Variants in GDPD1 observed in about 807,000 individuals in gnomAD.
The protein encoded by GDPD1 is lysophospholipase D GDPD1.
GDPD1 carries 28 observed loss-of-function variants against 45.1 expected under a neutral mutation model. The ratio of observed to expected loss-of-function variants is 0.62; its 90% CI spans 0.46 to 0.85. The LOEUF is 0.85. GDPD1 is among the 40% of genes least tolerant of loss of function. GDPD1 has a pLI of 0.00. For missense variants in GDPD1, 256 were observed against 364.8 expected (o/e 0.70, Z 2.43); for synonymous variants, 139 against 131.4 (o/e 1.06, Z -0.40).
Position 59,237,435 on chromosome 17 carries a change from C to T in GDPD1, c.185+2901C>T, listed in dbSNP as rs2047141575. 2.0e-5 allele frequency among the ~76,000 whole-genome samples: 3 copies of T among 152,010 alleles called. No individual in the cohort carries two copies. In the South Asian group the frequency reaches 6.2e-4, roughly 32 times the overall value. On this transcript the variant is annotated intron_variant, in intron 2 of 9. Coordinates refer to ENST00000284116, the MANE Select transcript of GDPD1 (RefSeq NM_182569.4). Reference sequence around the variant, plus strand: ...AAATAAATAAAAATAAATAAACATACTGTTTTAAAGGTACTGTATATTAAA... The same window carrying T: ...AAATAAATAAAAATAAATAAACATATTGTTTTAAAGGTACTGTATATTAAA...
chr17:59,267,477 C>T (rs981172015), intron 7 of GDPD1, among the ~76,000 whole-genome samples: 6 of 152,122 alleles, frequency 3.9e-5, no homozygotes, highest in African/African-American at 1.4e-4. Context: ...CAGTTGCCCT[C>T]CACTTTCCCT....
Position 59,237,119 on chromosome 17 carries a change from CCAGTCG to C in GDPD1, c.185+2590_185+2595del, listed in dbSNP as rs1269251260. Among the ~76,000 whole-genome samples, 3 of 151,868 alleles carry C rather than the reference CCAGTCG, an allele frequency of 2.0e-5. No individual in the cohort carries two copies. The East Asian group carries it at 5.8e-4, about 29-fold the overall frequency. ...AGACTGTTTAAACATACTATTTTGG[CCAGTCG>C]CAGTAGCTCACACCTGTAATCCCAG... On this transcript the variant is annotated intron_variant, in intron 2 of 9. Coordinates refer to ENST00000284116, the MANE Select transcript of GDPD1 (RefSeq NM_182569.4).
intron 6 of GDPD1, among the ~76,000 whole-genome samples, chr17:59,259,589 A>AAC (rs2047337778): frequency 4.1e-5 from 6 of 147,872 alleles, no homozygotes; most frequent in African/African-American, 1.5e-4. Context: ...AAAAAAAAAA[A>AAC]AATACAAAAA....
intron 2 of GDPD1, among the ~76,000 whole-genome samples, chr17:59,236,418 A>G (rs2047132250): frequency 6.6e-6 from 1 of 152,164 alleles, no homozygotes; most frequent in South Asian, 2.1e-4. Context: ...ATTACTTAAA[A>G]AAAATTTTTT....
intron 9 of GDPD1, chr17:59,273,059 A>T: frequency 1.4e-6 from 1 of 715,212 alleles, no homozygotes; most frequent in Non-Finnish European, 2.1e-6. Flanking sequence ...CTGATGCCAG[A>T]GGGGTGGGAC....
At chr17:59,227,253 T>C (rs1350393825) in intron 1 of GDPD1, among the ~76,000 whole-genome samples, 4 of 151,758 alleles carry the variant, frequency 2.6e-5, no homozygotes, top group Non-Finnish European at 5.9e-5. Flanking sequence ...ACCCCGTCTC[T>C]ACTAAAAATA....
intron 7 of GDPD1, among the ~76,000 whole-genome samples, chr17:59,269,070 G>C (rs568792429): frequency 6.7e-6 from 1 of 150,304 alleles, no homozygotes; most frequent in Non-Finnish European, 1.5e-5. Flanking sequence ...AGGCTGAGGC[G>C]GGTGGATCAC....
chr17:59,260,592 A>T (rs957726339), intron 6 of GDPD1, among the ~76,000 whole-genome samples: 3 of 152,158 alleles, frequency 2.0e-5, no homozygotes, highest in African/African-American at 7.2e-5. Context: ...TGATAGTTAA[A>T]CCTTCATAAT....
chr17:59,223,934 A>G (rs1435661587), intron 1 of GDPD1, among the ~76,000 whole-genome samples: 1 of 152,152 alleles, frequency 6.6e-6, no homozygotes, highest in Non-Finnish European at 1.5e-5. Flanking sequence ...GTTGAATCAC[A>G]GATGGACAGA....
intron 1 of GDPD1, among the ~76,000 whole-genome samples, chr17:59,229,652 C>T (rs1390679219): frequency 1.3e-5 from 2 of 152,032 alleles, no homozygotes; most frequent in African/African-American, 2.4e-5. Context: ...CATGAGCCAC[C>T]ACGCCCAGCC....
At chr17:59,255,743 C>CAAAAAAAAAAA (rs1174794003) in intron 4 of GDPD1, among the ~76,000 whole-genome samples, 2 of 26,616 alleles carry the variant, frequency 7.5e-5, no homozygotes, top group African/African-American at 5.2e-4. Flanking sequence ...AACTCCGTCT[C>CAAAAAAAAAAA]AAAAAAAAAA....
At position 59,262,905 on chromosome 17, in the gene GDPD1, G is replaced by A. The variant is rs538065281; in HGVS notation, c.577-4136G>A. ...GGCCTCCCACAGTGCTGGGATTACA[G>A]GCATGAGCCACCGTGCCCGGCCACA... On this transcript the variant is annotated intron_variant, in intron 6 of 9. Coordinates refer to ENST00000284116, the MANE Select transcript of GDPD1 (RefSeq NM_182569.4). 4.0e-4 allele frequency among the ~76,000 whole-genome samples: 61 copies of A among 152,192 alleles called. 1 individual carries two copies. Among genetic ancestry groups the A allele is most frequent in the African/African-American group, 1.2e-3 (51 of 41,540 alleles).
intron 4 of GDPD1, among the ~76,000 whole-genome samples, chr17:59,255,437 T>C (rs1335793376): frequency 6.7e-6 from 1 of 149,564 alleles, no homozygotes; most frequent in Non-Finnish European, 1.5e-5. Flanking sequence ...ACCCTGTCTC[T>C]ACAAAAAATA....
chr17:59,270,884 C>G, intron 7 of GDPD1, 52 bp from the exon 8 acceptor site: 1 of 1,086,528 alleles, frequency 9.2e-7, no homozygotes, highest in Non-Finnish European at 1.4e-6. Flanking sequence ...TTTTATCACA[C>G]TGATATATTT....
At chr17:59,238,610 T>C (rs2047153019) in intron 2 of GDPD1, among the ~76,000 whole-genome samples, 1 of 152,078 alleles carries the variant, frequency 6.6e-6, no homozygotes, top group Admixed American at 6.6e-5. Context: ...AGACAGGGTT[T>C]CACCATGTTA....
Position 59,234,391 on chromosome 17 carries a change from A to T in GDPD1, c.143-101A>T. ...AACACTTGTAATGTCTACCCCCAAA[A>T]AAAAAAAAAAGGTCAAGATTCATTA... On this transcript the variant is annotated intron_variant, in intron 1 of 9. Transcript: ENST00000284116. 7 of 747,904 alleles carry T rather than the reference A, an allele frequency of 9.4e-6. No individual in the cohort carries two copies. The African/African-American group carries it at 1.1e-4, about 12-fold the overall frequency. 46.3% of individuals were successfully genotyped at this position (747,904 alleles called of 1,614,324 possible). A position where few individuals can be genotyped will look rare whatever the true frequency, so the allele number is the denominator to read the frequency against.
chr17:59,222,636 T>A (rs2047015486), intron 1 of GDPD1, among the ~76,000 whole-genome samples: 1 of 148,218 alleles, frequency 6.7e-6, no homozygotes, highest in Non-Finnish European at 1.5e-5. Context: ...TGCCTCAGCC[T>A]CCCGAGTAGC....
chr17:59,230,703 A>C (rs1400031318), intron 1 of GDPD1, among the ~76,000 whole-genome samples: 1 of 152,072 alleles, frequency 6.6e-6, no homozygotes, highest in Non-Finnish European at 1.5e-5. Context: ...ATTTAAGAGA[A>C]GACATGGCAT....
At chr17:59,235,965 T>C (rs2047128846) in intron 2 of GDPD1, among the ~76,000 whole-genome samples, 1 of 152,224 alleles carries the variant, frequency 6.6e-6, no homozygotes, top group Admixed American at 6.5e-5. Context: ...ATTTTATGTG[T>C]ACAAATTATA....
Sources: gnomAD v4.1 joint callset for allele counts (sites outside exome capture counted in the v4.1 genomes callset) on GRCh38, gnomAD v4.1.1 for gene constraint, MANE v1.5 for transcripts, NCBI Gene and HGNC (gene_info 2026-07-23, HGNC 2026-07-21) for gene names.